LOC128092252: variants seen among roughly 807,000 people sequenced by gnomAD.
At chr15:50,678,539 T>TACAC in the LOC128092252 span, among the ~76,000 whole-genome samples, 12 of 138,176 alleles carry the variant, frequency 8.7e-5, no homozygotes, top group East Asian at 4.2e-4. Flanking sequence ...TATATATATA[T>TACAC]ATACACACAC....
the LOC128092252 span, among the ~76,000 whole-genome samples, chr15:50,671,345 A>G: frequency 3.9e-5 from 6 of 152,172 alleles, no homozygotes; most frequent in African/African-American, 1.4e-4. Context: ...TTCACTTAAC[A>G]TAATGTCCTC....
the LOC128092252 span, among the ~76,000 whole-genome samples, chr15:50,665,855 T>C: frequency 8.0e-4 from 122 of 152,114 alleles, 1 homozygote; most frequent in African/African-American, 2.9e-3. Context: ...TAGCAGAGTG[T>C]TGTGGTGGGC....
At chr15:50,658,380 C>G in the LOC128092252 span, among the ~76,000 whole-genome samples, 3 of 151,368 alleles carry the variant, frequency 2.0e-5, no homozygotes, top group African/African-American at 4.9e-5. Context: ...TAAGATCAGC[C>G]TGGGCAACAA....
chr15:50,681,696 G>A, the LOC128092252 span, among the ~76,000 whole-genome samples: 1 of 152,164 alleles, frequency 6.6e-6, no homozygotes, highest in Non-Finnish European at 1.5e-5. Flanking sequence ...CTTTCCACAA[G>A]GAGCTTTGTT....
chr15:50,684,540 C>G, the LOC128092252 span, among the ~76,000 whole-genome samples: 4 of 151,956 alleles, frequency 2.6e-5, no homozygotes, highest in Non-Finnish European at 5.9e-5. Context: ...ACTCGGGAGG[C>G]TGAGGCAGGA....
the LOC128092252 span, among the ~76,000 whole-genome samples, chr15:50,677,758 AAAC>A: frequency 1.1e-4 from 17 of 150,090 alleles, 3 homozygotes; most frequent in East Asian, 1.9e-4. Flanking sequence ...AAAAAAAAAA[AAAC>A]AAAAGGTAAC....
chr15:50,679,539 T>TATATATGTGTATATATATAA, the LOC128092252 span, among the ~76,000 whole-genome samples: 1 of 22,306 alleles, frequency 4.5e-5, no homozygotes, highest in African/African-American at 2.1e-4. Flanking sequence ...TATATATATA[T>TATATATGTGTATATATATAA]TTTTTTTTTT....
the LOC128092252 span, among the ~76,000 whole-genome samples, chr15:50,680,578 A>C: frequency 4.5e-3 from 677 of 152,096 alleles, 7 homozygotes; most frequent in African/African-American, 0.015. Context: ...TCAAAAAAAA[A>C]AAAACAAAAA....
chr15:50,679,538 A>ATATATATATTTTT, the LOC128092252 span, among the ~76,000 whole-genome samples: 2 of 43,902 alleles, frequency 4.6e-5, no homozygotes, highest in African/African-American at 2.1e-4. Flanking sequence ...ATATATATAT[A>ATATATATATTTTT]TTTTTTTTTT....
the LOC128092252 span, among the ~76,000 whole-genome samples, chr15:50,680,430 T>C: frequency 1.3e-5 from 2 of 150,082 alleles, no homozygotes; most frequent in Admixed American, 6.7e-5. Flanking sequence ...AGTAGCCCAA[T>C]GTGGTGGCGC....
chr15:50,671,292 A>T, the LOC128092252 span, among the ~76,000 whole-genome samples: 1 of 152,134 alleles, frequency 6.6e-6, no homozygotes, highest in African/African-American at 2.4e-5. Context: ...TTCTACACAG[A>T]AGTGAGACCA....
chr15:50,662,470 A>T, the LOC128092252 span, among the ~76,000 whole-genome samples: 1 of 152,228 alleles, frequency 6.6e-6, no homozygotes, highest in Non-Finnish European at 1.5e-5. Context: ...CCAAAGACAC[A>T]GACACCTATA....
At chr15:50,665,980 G>A in the LOC128092252 span, among the ~76,000 whole-genome samples, 2 of 151,408 alleles carry the variant, frequency 1.3e-5, no homozygotes, top group East Asian at 3.9e-4. Context: ...GCAACAGAGC[G>A]AGACTCTCTC....
At chr15:50,665,889 A>T in the LOC128092252 span, among the ~76,000 whole-genome samples, 1 of 152,100 alleles carries the variant, frequency 6.6e-6, no homozygotes, top group African/African-American at 2.4e-5. Context: ...GCTACTCGAG[A>T]GACTGAGGCA....
chr15:50,681,718 A>AG, the LOC128092252 span, among the ~76,000 whole-genome samples: 1 of 152,230 alleles, frequency 6.6e-6, no homozygotes, highest in Non-Finnish European at 1.5e-5. Flanking sequence ...CCAAAGGTTA[A>AG]GGTTTCCAGA....
chr15:50,659,368 T>G, the LOC128092252 span, among the ~76,000 whole-genome samples: 1 of 152,182 alleles, frequency 6.6e-6, no homozygotes, highest in Non-Finnish European at 1.5e-5. Flanking sequence ...AGATTTTTTA[T>G]TAGCAAGGTA....
At chr15:50,654,616 AC>A in the LOC128092252 span, among the ~76,000 whole-genome samples, 3 of 151,534 alleles carry the variant, frequency 2.0e-5, no homozygotes, top group Non-Finnish European at 4.4e-5. Context: ...ATGAGAGTGC[AC>A]ATGGTGCATC....
the LOC128092252 span, among the ~76,000 whole-genome samples, chr15:50,683,733 T>C: frequency 2.0e-5 from 3 of 151,158 alleles, no homozygotes; most frequent in East Asian, 1.9e-4. Flanking sequence ...AAAAACAAAA[T>C]AAAACAACAA....
At chr15:50,679,132 AAAG>A in the LOC128092252 span, among the ~76,000 whole-genome samples, 41 of 145,958 alleles carry the variant, frequency 2.8e-4, 4 homozygotes, top group African/African-American at 9.2e-4. Flanking sequence ...TCAGCCTTCC[AAAG>A]TGCTGGGATT....
Sources: allele counts gnomAD v4.1 joint callset (sites outside exome capture counted in the v4.1 genomes callset), GRCh38; gene constraint gnomAD v4.1.1; transcripts MANE v1.5.